The following FOCAD variants were observed in gnomAD, a reference collection of about 807,000 sequenced individuals.
FOCAD encodes the protein focadhesin, also known as KIAA1797.
A neutral mutation model predicts 225.6 loss-of-function variants in FOCAD; 198 were observed. The observed-to-expected ratio is 0.88, with a 90% CI of 0.78 to 0.99. The LOEUF (loss-of-function observed/expected upper bound fraction) is 0.99. Among genes scored for constraint, FOCAD ranks in the 50% least tolerant of loss-of-function variants. The probability of loss-of-function intolerance (pLI) is 0.00; values close to 1 mark genes in which losing one functional copy is unlikely to be tolerated. For missense variants in FOCAD, 2,713 were observed against 2,123.6 expected (o/e 1.28, Z -5.46); for synonymous variants, 897 against 755.0 (o/e 1.19, Z -3.08).
intron 28 of FOCAD, among the ~76,000 whole-genome samples, chr9:20,936,702 C>T (rs1299129800): frequency 6.6e-6 from 1 of 152,094 alleles, no homozygotes; most frequent in Non-Finnish European, 1.5e-5. Context: ...TCTCTCACCA[C>T]CCCGATTCAA....
At chr9:20,732,960 G>A (rs986646300) in intron 4 of FOCAD, among the ~76,000 whole-genome samples, 3 of 152,106 alleles carry the variant, frequency 2.0e-5, no homozygotes, top group Non-Finnish European at 2.9e-5. Flanking sequence ...TGAATATGAG[G>A]CACAATTCAG....
At chr9:20,869,977 T>C (rs1829621776) in intron 18 of FOCAD, among the ~76,000 whole-genome samples, 1 of 152,182 alleles carries the variant, frequency 6.6e-6, no homozygotes, top group Non-Finnish European at 1.5e-5. Context: ...TTATAAAAGC[T>C]AGTTACACTT....
intron 35 of FOCAD, among the ~76,000 whole-genome samples, chr9:20,970,188 C>G (rs1839642480): frequency 7.2e-6 from 1 of 137,998 alleles, no homozygotes; most frequent in African/African-American, 2.7e-5. Flanking sequence ...ATCTCTTTGC[C>G]TTTATCTTTC....
intron 19 of FOCAD, among the ~76,000 whole-genome samples, chr9:20,880,422 T>A (rs977560200): frequency 6.6e-6 from 1 of 152,154 alleles, no homozygotes; most frequent in Non-Finnish European, 1.5e-5. Flanking sequence ...GGGGAATACA[T>A]CTCCTGACTT....
intron 10 of FOCAD, among the ~76,000 whole-genome samples, chr9:20,784,628 C>T (rs964795505): frequency 3.9e-5 from 6 of 152,188 alleles, no homozygotes; most frequent in Non-Finnish European, 8.8e-5. Flanking sequence ...GACAGCTTGA[C>T]TGAGCTGGGG....
intron 1 of FOCAD, among the ~76,000 whole-genome samples, chr9:20,705,635 A>G (rs964403203): frequency 2.0e-5 from 3 of 152,054 alleles, no homozygotes; most frequent in Non-Finnish European, 2.9e-5. Context: ...TTTTATATGA[A>G]CATGAAGTCT....
At chr9:20,890,609 A>C (rs1587520525) in intron 21 of FOCAD, among the ~76,000 whole-genome samples, 3 of 152,166 alleles carry the variant, frequency 2.0e-5, no homozygotes, top group African/African-American at 7.2e-5. Context: ...ATCTGTGCTC[A>C]TGAGACATGT....
chr9:20,921,224 T>C (rs1237064931), intron 24 of FOCAD, among the ~76,000 whole-genome samples: 1 of 152,204 alleles, frequency 6.6e-6, no homozygotes, highest in Non-Finnish European at 1.5e-5. Flanking sequence ...TTTACTAATA[T>C]GTAATGTAAT....
intron 35 of FOCAD, among the ~76,000 whole-genome samples, chr9:20,959,339 A>G (rs1838485961): frequency 6.6e-6 from 1 of 151,986 alleles, no homozygotes. Flanking sequence ...CCATTTGTAC[A>G]TCTTTTGAGA....
At chr9:20,773,753 T>C (rs1818470086) in intron 8 of FOCAD, among the ~76,000 whole-genome samples, 1 of 152,162 alleles carries the variant, frequency 6.6e-6, no homozygotes, top group Admixed American at 6.5e-5. Context: ...TCATCCCCTT[T>C]CGTTTCCTCC....
At chr9:20,803,362 T>A (rs143483442) in intron 11 of FOCAD, among the ~76,000 whole-genome samples, 1,611 of 152,156 alleles carry the variant, frequency 0.011, 9 homozygotes, top group Middle Eastern at 0.02. Context: ...GTATCCCCCT[T>A]GTAGTTGGGG....
chr9:20,903,353 C>G (rs545518417), intron 21 of FOCAD, among the ~76,000 whole-genome samples: 1 of 152,076 alleles, frequency 6.6e-6, no homozygotes, highest in African/African-American at 2.4e-5. Flanking sequence ...ACTGATAAAG[C>G]TCTGTCTGAG....
chr9:20,969,836 T>A (rs1839607654), intron 35 of FOCAD, among the ~76,000 whole-genome samples: 1 of 151,832 alleles, frequency 6.6e-6, no homozygotes, highest in South Asian at 2.1e-4. Context: ...CTATTTAGTG[T>A]CCTTTTATTT....
intron 19 of FOCAD, 58 bp from the exon 20 acceptor site, chr9:20,881,813 T>C: frequency 1.3e-6 from 2 of 1,547,300 alleles, no homozygotes; most frequent in South Asian, 2.3e-5. Flanking sequence ...AGAACGCATG[T>C]TTCTCTTCTA....
At chr9:20,823,162 A>T (rs780761419) in intron 15 of FOCAD, 47 bp downstream of exon 15, 4 of 1,571,822 alleles carry the variant, frequency 2.5e-6, no homozygotes, top group Non-Finnish European at 3.5e-6. Flanking sequence ...AAAATCTTTT[A>T]TAAGGCAGAG....
At chr9:20,955,980 T>C (rs564594904) in intron 35 of FOCAD, among the ~76,000 whole-genome samples, 1 of 152,362 alleles carries the variant, frequency 6.6e-6, no homozygotes, top group African/African-American at 2.4e-5. Flanking sequence ...TCTAAGCTTA[T>C]ATTTTCCTAT....
intron 18 of FOCAD, among the ~76,000 whole-genome samples, chr9:20,867,515 G>T (rs917562662): frequency 4.6e-5 from 7 of 152,008 alleles, no homozygotes; most frequent in Admixed American, 6.6e-5. Flanking sequence ...GTGATATTCA[G>T]TTAGGAAAAG....
intron 2 of FOCAD, among the ~76,000 whole-genome samples, chr9:20,672,828 G>C (rs1237384257): frequency 6.6e-6 from 1 of 152,186 alleles, no homozygotes; most frequent in East Asian, 1.9e-4. Flanking sequence ...TGTTTAGCTG[G>C]TTAAACAATC....
At chr9:20,754,840 ACT>A (rs1828904201) in intron 5 of FOCAD, among the ~76,000 whole-genome samples, 1 of 152,044 alleles carries the variant, frequency 6.6e-6, no homozygotes, top group South Asian at 2.1e-4. Flanking sequence ...AGACTGAGAA[ACT>A]CTCATGCATG....
Sources: gnomAD v4.1 joint callset for allele counts (sites outside exome capture counted in the v4.1 genomes callset) on GRCh38, gnomAD v4.1.1 for gene constraint, MANE v1.5 for transcripts, NCBI Gene and HGNC (gene_info 2026-07-23, HGNC 2026-07-21) for gene names.